MEGF9: variants seen among roughly 807,000 people sequenced by gnomAD.
The protein encoded by MEGF9 is multiple EGF like domains 9.
In MEGF9, 6 loss-of-function variants were observed where a neutral mutation model predicts 46.8. The ratio of observed to expected loss-of-function variants is 0.13; its 90% CI spans 0.07 to 0.25. The LOEUF (loss-of-function observed/expected upper bound fraction) is 0.25. Ranked by LOEUF, MEGF9 falls within the 10% of genes least tolerant of loss-of-function variation. The pLI, the probability that MEGF9 is intolerant of heterozygous loss-of-function variation, is 1.00. For missense variants in MEGF9, 683 were observed against 792.4 expected (o/e 0.86, Z 1.66); for synonymous variants, 302 against 330.7 (o/e 0.91, Z 0.94).
chr9:120,692,598 T>C (rs2043854182), intron 1 of MEGF9, among the ~76,000 whole-genome samples: 1 of 152,154 alleles, frequency 6.6e-6, no homozygotes, highest in African/African-American at 2.4e-5. Flanking sequence ...GAGCATGACA[T>C]GGAAAGCACA....
Position 120,714,362 on chromosome 9 carries a change from T to C in MEGF9, c.-4A>G. ...CGCGCTCGGCTCCGCCATTCATTCA[T>C]TCAGCCAGTCGGTTGGTCAGTCATC... On this transcript the variant is annotated 5_prime_UTR_variant, in exon 1 of 6. The change abolishes an upstream ATG in the 5' untranslated region. Transcript: ENST00000373930. The C allele has an allele frequency of 7.7e-7, 1 of 1,305,962 alleles. No homozygotes were observed. The highest frequency in any genetic ancestry group is 9.7e-7 in the Non-Finnish European group (1 of 1,025,728). The allele number at this position is 1,305,962 out of a possible 1,614,324, so 80.9% of individuals were successfully genotyped here.
intron 2 of MEGF9, among the ~76,000 whole-genome samples, chr9:120,644,624 G>A (rs1256344137): frequency 6.6e-6 from 1 of 152,028 alleles, no homozygotes; most frequent in Non-Finnish European, 1.5e-5. Context: ...GTCTGTTTTG[G>A]GGCAAATTAA....
At chr9:120,641,224 A>T (rs745587823) in intron 2 of MEGF9, among the ~76,000 whole-genome samples, 1 of 152,186 alleles carries the variant, frequency 6.6e-6, no homozygotes, top group Non-Finnish European at 1.5e-5. Context: ...TAGAATATTC[A>T]TTCTAGGTGA....
rs751610420 is a variant in MEGF9, at chr9:120,622,653, T to A, written c.906A>T (p.Gln302His). 19 of 1,613,674 alleles carry A rather than the reference T, an allele frequency of 1.2e-5. No individual in the cohort carries two copies. Among genetic ancestry groups the A allele is most frequent in the Admixed American group, 1.7e-5 (1 of 59,958 alleles). ...CGCAACTGGCAGACCGATTATTGCA[T>A]TGGCAGGGCAAGCAGCCATTCTTAC... ...GFSKNGCLPCQCNNRSASCDA... is the reference protein window; with the variant it reads ...GFSKNGCLPCHCNNRSASCDA... The change falls in exon 3 of 6, where the codon CAA (glutamine) becomes CAT (histidine). Residue 302 changes from glutamine to histidine, a missense_variant. Coordinates refer to ENST00000373930, the MANE Select transcript of MEGF9 (RefSeq NM_001080497.3).
At chr9:120,659,325 T>A in intron 2 of MEGF9, 49 bp downstream of exon 2, 3 of 1,538,360 alleles carry the variant, frequency 2.0e-6, no homozygotes, top group Non-Finnish European at 2.7e-6. Context: ...GCCTTTTTTT[T>A]CCCCTTGCTA....
chr9:120,697,690 T>C (rs1478677829), intron 1 of MEGF9, among the ~76,000 whole-genome samples: 2 of 152,150 alleles, frequency 1.3e-5, no homozygotes, highest in Non-Finnish European at 2.9e-5. Context: ...CTCATTTAAT[T>C]TCCACCATTA....
chr9:120,696,458 T>A (rs2043877475), intron 1 of MEGF9, among the ~76,000 whole-genome samples: 1 of 152,016 alleles, frequency 6.6e-6, no homozygotes, highest in Non-Finnish European at 1.5e-5. Context: ...CTTGGTAGAG[T>A]GGGGATAATA....
intron 1 of MEGF9, among the ~76,000 whole-genome samples, chr9:120,710,627 C>T (rs2043948968): frequency 6.6e-6 from 1 of 152,038 alleles, no homozygotes; most frequent in African/African-American, 2.4e-5. Context: ...ATTATTAATT[C>T]AAAAAGCATC....
At chr9:120,623,023 G>C (rs188136184) in intron 2 of MEGF9, among the ~76,000 whole-genome samples, 2 of 152,222 alleles carry the variant, frequency 1.3e-5, no homozygotes, top group African/African-American at 4.8e-5. Context: ...TAATAATGAT[G>C]ATGCAATGAG....
At chr9:120,702,043 T>TAA (rs527744415) in intron 1 of MEGF9, among the ~76,000 whole-genome samples, 4 of 144,724 alleles carry the variant, frequency 2.8e-5, no homozygotes, top group African/African-American at 1.0e-4. Context: ...ACTCTGTCTC[T>TAA]AAAAAAAAAA....
At position 120,652,076 on chromosome 9, in the gene MEGF9, T is replaced by C. The variant is rs967087144; in HGVS notation, c.803+7298A>G. Among the ~76,000 whole-genome samples the C allele has an allele frequency of 1.4e-4, 20 of 147,658 alleles. 1 individual carries two copies. In the Admixed American group the frequency reaches 1.4e-3, roughly 10 times the overall value. Reference sequence around the variant, plus strand: ...CCCAAAATCTACTCATACTCAAGGGTGGTTGATTTAATCCTCCTTTTTGGT... The same window carrying C: ...CCCAAAATCTACTCATACTCAAGGGCGGTTGATTTAATCCTCCTTTTTGGT... On this transcript the variant is annotated intron_variant, in intron 2 of 5. Transcript: ENST00000373930.
intron 2 of MEGF9, among the ~76,000 whole-genome samples, chr9:120,626,032 T>C (rs931492168): frequency 4.0e-5 from 6 of 150,734 alleles, no homozygotes; most frequent in Non-Finnish European, 8.9e-5. Flanking sequence ...AAAAAAAGGC[T>C]GTGAACAGAC....
At chr9:120,668,113 G>A (rs2043733412) in intron 1 of MEGF9, among the ~76,000 whole-genome samples, 2 of 152,122 alleles carry the variant, frequency 1.3e-5, no homozygotes, top group Non-Finnish European at 1.5e-5. Flanking sequence ...ATTTCAAAAT[G>A]TACTTTTTAT....
chr9:120,713,836 G>A lies in MEGF9; in HGVS notation c.523C>T (p.Pro175Ser), dbSNP rs2132349795. 7.7e-7 allele frequency: 1 copy of A among 1,301,468 alleles called. No homozygotes were observed. Among genetic ancestry groups the A allele is most frequent in the Non-Finnish European group, 9.8e-7 (1 of 1,023,086 alleles). The allele number at this position is 1,301,468 out of a possible 1,614,324, so 80.6% of individuals were successfully genotyped here. Residue 175 changes from proline to serine, a missense_variant, in exon 1 of 6, where the codon CCC (proline) becomes TCC (serine). By Grantham distance (74) the Pro-to-Ser change is moderately conservative. Around this residue, in one of 2 missense-constraint regions of MEGF9, gnomAD observed 370 missense variants for 371.3 expected, o/e 1.00. Coordinates refer to ENST00000373930, the MANE Select transcript of MEGF9 (RefSeq NM_001080497.3). Reference sequence around the variant, plus strand: ...CTGTTGCTGCTGCTGGGGAGATCGGGGGTCGGGGTCCGGGGAGTCGTGGGC... The same window carrying A: ...CTGTTGCTGCTGCTGGGGAGATCGGAGGTCGGGGTCCGGGGAGTCGTGGGC... ...PAPTTPRTPTPDLPSSSNSSV... is the reference protein window; with the variant it reads ...PAPTTPRTPTSDLPSSSNSSV...
intron 1 of MEGF9, among the ~76,000 whole-genome samples, chr9:120,708,289 G>C (rs751399404): frequency 6.6e-6 from 1 of 151,762 alleles, no homozygotes; most frequent in East Asian, 1.9e-4. Context: ...CACTTGAACC[G>C]GGGAGGTGGA....
chr9:120,620,552 G>A (rs570883270), intron 3 of MEGF9, among the ~76,000 whole-genome samples: 1 of 152,248 alleles, frequency 6.6e-6, no homozygotes, highest in Admixed American at 6.5e-5. Context: ...ATATGTGAGA[G>A]CATATAATAA....
intron 3 of MEGF9, among the ~76,000 whole-genome samples, chr9:120,619,332 G>A (rs111489848): frequency 0.037 from 5,664 of 152,162 alleles, 333 homozygotes; most frequent in African/African-American, 0.13. Context: ...GGGCAACAAG[G>A]GTGAAACTCT....
intron 5 of MEGF9, among the ~76,000 whole-genome samples, chr9:120,606,016 C>T (rs1224949733): frequency 6.6e-6 from 1 of 151,670 alleles, no homozygotes; most frequent in Non-Finnish European, 1.5e-5. Context: ...ACTGAAAATA[C>T]AAAAAATTAG....
chr9:120,612,399 T>C lies in MEGF9; in HGVS notation c.1084A>G (p.Ile362Val), dbSNP rs1290943774. Reference sequence around the variant, plus strand: ...AAAAGTTAGAGAAAGGCCTTACTTATAGAGCAGCTGCCTGTAGATGTCACT... The same window carrying C: ...AAAAGTTAGAGAAAGGCCTTACTTACAGAGCAGCTGCCTGTAGATGTCACT... The part of the protein sequence containing the change: ...SAVTSTGSCS[I>V]KSSELEPECD... Residue 362 changes from isoleucine (I) to valine (V), a missense_variant, in exon 4 of 6, where the codon ATA (isoleucine) becomes GTA (valine). Ile to Val is a conservative substitution (Grantham distance 29, BLOSUM62 3). Around this residue, in one of 2 missense-constraint regions of MEGF9, gnomAD observed 313 missense variants for 421.1 expected, o/e 0.74. Coordinates refer to ENST00000373930, the MANE Select transcript of MEGF9 (RefSeq NM_001080497.3). 3.1e-6 allele frequency: 5 copies of C among 1,609,378 alleles called. No individual in the cohort carries two copies. Among genetic ancestry groups the C allele is most frequent in the East Asian group, 2.2e-5 (1 of 44,840 alleles).
Sources: gnomAD v4.1 joint callset for allele counts (sites outside exome capture counted in the v4.1 genomes callset) on GRCh38, gnomAD v4.1.1 for gene constraint, gnomAD v4.1.1 regional missense constraint, MANE v1.5 for transcripts, NCBI Gene and HGNC (gene_info 2026-07-23, HGNC 2026-07-21) for gene names.